Variants in C16orf96 observed in about 807,000 individuals in gnomAD.
C16orf96 encodes the protein chromosome 16 open reading frame 96, also known as uncharacterized protein C16orf96.
C16orf96 carries 108 observed loss-of-function variants against 103.6 expected under a neutral mutation model. The ratio of observed to expected loss-of-function variants is 1.04; its 90% CI spans 0.89 to 1.22. C16orf96 has a LOEUF of 1.22. C16orf96 is among the 50% of genes most tolerant of loss of function. The probability of loss-of-function intolerance (pLI) is 0.00; values close to 1 mark genes in which losing one functional copy is unlikely to be tolerated. For missense variants in C16orf96, 1,586 were observed against 1,464.2 expected (o/e 1.08, Z -1.36); for synonymous variants, 566 against 593.5 (o/e 0.95, Z 0.67).
chr16:4,593,313 T>A lies in C16orf96; in HGVS notation c.2864T>A (p.Met955Lys). 1.9e-6 allele frequency: 3 copies of A among 1,550,210 alleles called. No homozygotes were observed. The highest frequency in any genetic ancestry group is 2.6e-6 in the Non-Finnish European group (3 of 1,146,632). Residue 955 changes from methionine to lysine, a missense_variant, in exon 12 of 16, where the codon ATG becomes AAG. Transcript: ENST00000444310. This position sits in a 1 kb window ranked among gnomAD's most constrained non-coding sequence, Gnocchi z 4.2. ...TGCGAGTACTTGCAGCGGCAACAGA[T>A]GAGGTGAGCAGGATGGGCGCCCCGC... ...NSCEYLQRQQ[M>K]REQQWLQLQD...
chr16:4,556,547 G>A lies in C16orf96; in HGVS notation c.58G>A (p.Val20Met). Residue 20 changes from valine (V) to methionine (M), a missense_variant, in exon 1 of 16, where the codon GTG (valine) becomes ATG (methionine). By Grantham distance (21) the Val-to-Met change is conservative. Coordinates refer to ENST00000444310, the MANE Select transcript of C16orf96 (RefSeq NM_001145011.2). ...LANIAIPQCG[V>M]LNFKALHLLL... ...CAACATCGCCATCCCACAGTGCGGG[G>A]TGCTGAACTTCAAGGCCCTGCACCT... The A allele has an allele frequency of 6.4e-7, 1 of 1,551,062 alleles. No individual in the cohort carries two copies. Among genetic ancestry groups the A allele is most frequent in the African/African-American group, 1.4e-5 (1 of 73,156 alleles).
chr16:4,599,091 C>T (rs1897233182), intron 14 of C16orf96, among the ~76,000 whole-genome samples, 193 bp from the exon 15 acceptor site: 1 of 150,570 alleles, frequency 6.6e-6, no homozygotes, highest in Non-Finnish European at 1.5e-5. Flanking sequence ...AGAGCGGAGA[C>T]CCTGCCTCAA....
chr16:4,564,890 T>C (rs1269102503), intron 1 of C16orf96, among the ~76,000 whole-genome samples: 1 of 152,238 alleles, frequency 6.6e-6, no homozygotes, highest in Non-Finnish European at 1.5e-5. Flanking sequence ...GAAGACACTT[T>C]GGGGTGTTAG....
intron 7 of C16orf96, among the ~76,000 whole-genome samples, chr16:4,584,294 C>A (rs1477059892): frequency 6.7e-6 from 1 of 150,180 alleles, no homozygotes; most frequent in Non-Finnish European, 1.5e-5. Flanking sequence ...CTCAAGTGAT[C>A]CTCCCACCTC....
rs932372468 is a variant in C16orf96, at chr16:4,575,799, C to T, written c.1319C>T (p.Pro440Leu). 6.4e-7 allele frequency: 1 copy of T among 1,551,136 alleles called. No individual in the cohort carries two copies. Among genetic ancestry groups the T allele is most frequent in the African/African-American group, 1.4e-5 (1 of 73,166 alleles). Residue 440 changes from proline to leucine, a missense_variant, in exon 5 of 16, where the codon CCA (proline) becomes CTA (leucine). Transcript: ENST00000444310. ...FGSLWPRPLQ[P>L]YQSRQGEALQ... ...TCATTGTGGCCTCGACCACTCCAGC[C>T]ATATCAGTCTCGCCAGGGAGAAGCC...
At chr16:4,544,218 G>A in the C16orf96 span, among the ~76,000 whole-genome samples, 6 of 152,296 alleles carry the variant, frequency 3.9e-5, no homozygotes, top group East Asian at 1.9e-4. Flanking sequence ...ACTGAGTAGC[G>A]GAGGGTTTGA....
chr16:4,599,191 C>G (rs1255259377), intron 14 of C16orf96, 93 bp from the exon 15 acceptor site: 3 of 1,098,828 alleles, frequency 2.7e-6, no homozygotes, highest in Non-Finnish European at 4.1e-6. Context: ...GGGGTTGGTC[C>G]CACCAGAGGG....
the C16orf96 span, among the ~76,000 whole-genome samples, chr16:4,550,217 T>C: frequency 6.6e-6 from 1 of 152,082 alleles, no homozygotes; most frequent in African/African-American, 2.4e-5. Flanking sequence ...CCCAAGTAGC[T>C]AGGATTACAG....
chr16:4,570,662 T>A (rs879875020), intron 1 of C16orf96, among the ~76,000 whole-genome samples: 2 of 151,910 alleles, frequency 1.3e-5, no homozygotes, highest in Non-Finnish European at 2.9e-5. Flanking sequence ...GAAACAGGGT[T>A]TCACCGTGTT....
rs754694263 is a variant in C16orf96, at chr16:4,576,452, G to A, written c.1972G>A (p.Gly658Ser). 199 of 1,551,246 alleles carry A rather than the reference G, an allele frequency of 1.3e-4. 1 individual carries two copies. Among genetic ancestry groups the A allele is most frequent in the Non-Finnish European group, 1.7e-4 (190 of 1,147,008 alleles). ...LSPSYSAASI[G>S]PDPALSQAMV... Reference sequence around the variant, plus strand: ...TCCCTCCTACTCTGCTGCCAGCATCGGTCCCGATCCAGCCCTGTCCCAGGC... The same window carrying A: ...TCCCTCCTACTCTGCTGCCAGCATCAGTCCCGATCCAGCCCTGTCCCAGGC... Residue 658 changes from glycine to serine, a missense_variant, in exon 5 of 16, where the codon GGT (glycine) becomes AGT (serine). Transcript: ENST00000444310.
chr16:4,591,996 C>T (rs1229593634), intron 10 of C16orf96, among the ~76,000 whole-genome samples: 4 of 152,158 alleles, frequency 2.6e-5, no homozygotes, highest in African/African-American at 9.7e-5. Flanking sequence ...AACCAAGGCT[C>T]AGAGAGGGAA....
chr16:4,582,371 G>A lies in C16orf96; in HGVS notation c.2352+2246G>A, dbSNP rs533319540. On this transcript the variant is annotated intron_variant, in intron 7 of 15. Coordinates refer to ENST00000444310, the MANE Select transcript of C16orf96 (RefSeq NM_001145011.2). ...TCCGTGAAGGCTTCCAAGTCGGGGGGCTGTTGCTGGGATGCACTGGGGTGT... is the reference window on the plus strand; with the variant it reads ...TCCGTGAAGGCTTCCAAGTCGGGGGACTGTTGCTGGGATGCACTGGGGTGT... Among the ~76,000 whole-genome samples, 4 of 152,206 alleles carry A rather than the reference G, an allele frequency of 2.6e-5. No homozygotes were observed. In the East Asian group the frequency reaches 7.7e-4, roughly 29 times the overall value.
At chr16:4,556,931 A>G (rs1048170214) in intron 1 of C16orf96, 22 bp downstream of exon 1, 10 of 1,518,068 alleles carry the variant, frequency 6.6e-6, no homozygotes, top group Middle Eastern at 1.7e-4. Context: ...GCCTCCAGAC[A>G]CTTCTTTTCC....
At chr16:4,596,155 AGCAGC>A (rs1397575106) in intron 14 of C16orf96, among the ~76,000 whole-genome samples, 1 of 152,146 alleles carries the variant, frequency 6.6e-6, no homozygotes, top group Non-Finnish European at 1.5e-5. Flanking sequence ...GGTGGCTTAA[AGCAGC>A]TGAAGTTCCT....
chr16:4,555,337 C>G (rs550338439), upstream of C16orf96, among the ~76,000 whole-genome samples: 3 of 151,532 alleles, frequency 2.0e-5, no homozygotes, highest in East Asian at 5.9e-4. Flanking sequence ...TGTGGGGGGC[C>G]TTTGGATGCG....
chr16:4,588,428 A>G, intron 9 of C16orf96, 97 bp downstream of exon 9: 4 of 1,362,930 alleles, frequency 2.9e-6, no homozygotes, highest in South Asian at 3.0e-5. Flanking sequence ...AGGAGGAGCA[A>G]GAATTTGGGA....
rs1408950317 is a variant in C16orf96 at position 4,594,458 on chromosome 16, A to G, written c.2975A>G (p.Asn992Ser). 1.3e-6 allele frequency: 2 copies of G among 1,551,382 alleles called. No homozygotes were observed. The highest frequency in any genetic ancestry group is 2.7e-5 in the African/African-American group (2 of 73,044). ...ACCAGCCTCAAGTGCAAGTCCTGCA[A>G]CCTGTTGACGCTCTATCCCTACGGG... ...NATSLKCKSCNLLTLYPYGDP... is the reference protein window; with the variant it reads ...NATSLKCKSCSLLTLYPYGDP... The change falls in exon 13 of 16, where the codon AAC (asparagine) becomes AGC (serine). Residue 992 changes from asparagine (N) to serine (S), a missense_variant. Asn to Ser is a conservative substitution (Grantham distance 46). Coordinates refer to ENST00000444310, the MANE Select transcript of C16orf96 (RefSeq NM_001145011.2).
the C16orf96 span, among the ~76,000 whole-genome samples, chr16:4,548,750 A>G: frequency 3.3e-5 from 5 of 151,936 alleles, no homozygotes; most frequent in Non-Finnish European, 4.4e-5. Flanking sequence ...GTGCATGCCT[A>G]TAATCCCAGC....
chr16:4,578,814 C>T (rs935028706), intron 5 of C16orf96, 126 bp from the exon 6 acceptor site: 13 of 516,268 alleles, frequency 2.5e-5, no homozygotes, highest in African/African-American at 5.8e-5. Flanking sequence ...CCACAAGCTG[C>T]GAGGCCCAGT....
Sources: allele counts gnomAD v4.1 joint callset (sites outside exome capture counted in the v4.1 genomes callset), GRCh38; gene constraint gnomAD v4.1.1; non-coding constraint Gnocchi (gnomAD v3.1); transcripts MANE v1.5; gene names NCBI Gene and HGNC (gene_info 2026-07-23, HGNC 2026-07-21).